ERC2: variants seen among roughly 807,000 people sequenced by gnomAD.
ERC2 encodes the protein ELKS/RAB6-interacting/CAST family member 2.
A neutral mutation model predicts 114.8 loss-of-function variants in ERC2; 42 were observed. The ratio of observed to expected loss-of-function variants is 0.37; its 90% CI spans 0.29 to 0.47. ERC2 has a LOEUF of 0.47. Among genes scored for constraint, ERC2 ranks in the 20% least tolerant of loss-of-function variants. The pLI, the probability that ERC2 is intolerant of heterozygous loss-of-function variation, is 0.99. For missense variants in ERC2, 939 were observed against 1,150.7 expected (o/e 0.82, Z 2.66); for synonymous variants, 454 against 425.5 (o/e 1.07, Z -0.82).
At chr3:56,276,349 A>T (rs922385777) in intron 3 of ERC2, among the ~76,000 whole-genome samples, 1 of 151,296 alleles carries the variant, frequency 6.6e-6, no homozygotes, top group East Asian at 1.9e-4. Context: ...CAAGGATCAC[A>T]TGAAACCATC....
chr3:55,823,234 A>G (rs1301301494), intron 14 of ERC2, among the ~76,000 whole-genome samples: 2 of 152,078 alleles, frequency 1.3e-5, no homozygotes, highest in South Asian at 4.1e-4. Flanking sequence ...ATTTGAAGTG[A>G]CCTCAGAGAG....
At chr3:56,078,126 G>C (rs1169019700) in intron 7 of ERC2, among the ~76,000 whole-genome samples, 1 of 152,096 alleles carries the variant, frequency 6.6e-6, no homozygotes, top group Admixed American at 6.6e-5. Context: ...TTTGATTCAA[G>C]GGTCCTTAGT....
At chr3:56,462,226 T>C (rs773408942) in intron 1 of ERC2, among the ~76,000 whole-genome samples, 2 of 152,240 alleles carry the variant, frequency 1.3e-5, no homozygotes, top group Non-Finnish European at 2.9e-5. Context: ...ACTCATTCCC[T>C]ACTTCTGGGC....
chr3:56,218,565 T>C (rs1256403805), intron 3 of ERC2, among the ~76,000 whole-genome samples: 1 of 152,172 alleles, frequency 6.6e-6, no homozygotes, highest in Non-Finnish European at 1.5e-5. Context: ...GTTCAACCAT[T>C]GTAGAAGTCA....
intron 5 of ERC2, among the ~76,000 whole-genome samples, chr3:56,140,940 C>T (rs1451385244): frequency 6.6e-6 from 1 of 152,158 alleles, no homozygotes. Context: ...AGGAGAATCA[C>T]TTGAACCTGA....
intron 10 of ERC2, among the ~76,000 whole-genome samples, chr3:56,001,879 T>A (rs2072095773): frequency 6.6e-6 from 1 of 152,146 alleles, no homozygotes; most frequent in South Asian, 2.1e-4. Flanking sequence ...AAACAACTTT[T>A]TTTAAACACT....
At chr3:55,702,120 G>A (rs2063254301) in intron 15 of ERC2, among the ~76,000 whole-genome samples, 1 of 152,200 alleles carries the variant, frequency 6.6e-6, no homozygotes, top group Non-Finnish European at 1.5e-5. Flanking sequence ...GAATGTACAA[G>A]CTAAACAAGA....
chr3:56,117,011 A>T (rs2079276952), intron 6 of ERC2, among the ~76,000 whole-genome samples: 1 of 152,216 alleles, frequency 6.6e-6, no homozygotes, highest in South Asian at 2.1e-4. Flanking sequence ...TACCTGTTTT[A>T]CAGTTGAGAA....
chr3:56,273,258 C>CTTTTTTTTTTTTTTTTTTTTTT lies in ERC2; in HGVS notation c.1074+22760_1074+22761insAAAAAAAAAAAAAAAAAAAAAA, dbSNP rs1206517864. On this transcript the variant is annotated intron_variant, in intron 3 of 17. Transcript: ENST00000288221. ...CAAGGACACCTCCCACTTTTTTTTT[C>CTTTTTTTTTTTTTTTTTTTTTT]TTTCTTTTTTTTTTTTTTTTGGTGA... Among the ~76,000 whole-genome samples, 2 of 94,742 alleles carry CTTTTTTTTTTTTTTTTTTTTTT rather than the reference C, an allele frequency of 2.1e-5. 1 individual carries two copies. Among genetic ancestry groups the CTTTTTTTTTTTTTTTTTTTTTT allele is most frequent in the African/African-American group, 6.7e-5 (2 of 29,842 alleles). The allele number at this position is 94,742 out of a possible 152,430, so 62.2% of individuals were successfully genotyped here.
chr3:55,593,465 T>C (rs1372456424), intron 17 of ERC2, among the ~76,000 whole-genome samples: 1 of 152,200 alleles, frequency 6.6e-6, no homozygotes, highest in Admixed American at 6.5e-5. Flanking sequence ...TAATCATCTC[T>C]GGCTGACTTC....
rs546861893 is a variant in ERC2 at position 56,465,553 on chromosome 3, T to C, written c.-141+2695A>G. Reference sequence around the variant, plus strand: ...CCTTGGTGGGGAGACAACTGAAGGATGTTAAGAGCATTTATTCAACCAAGA... The same window carrying C: ...CCTTGGTGGGGAGACAACTGAAGGACGTTAAGAGCATTTATTCAACCAAGA... On this transcript the variant is annotated intron_variant, in intron 1 of 17. Transcript: ENST00000288221. Among the ~76,000 whole-genome samples, 3 of 152,276 alleles carry C rather than the reference T, an allele frequency of 2.0e-5. No individual in the cohort carries two copies. The East Asian group carries it at 5.8e-4, about 29-fold the overall frequency.
intron 2 of ERC2, among the ~76,000 whole-genome samples, chr3:56,317,457 G>A (rs1311536827): frequency 6.6e-6 from 1 of 152,164 alleles, no homozygotes; most frequent in African/African-American, 2.4e-5. Flanking sequence ...GGGGGGCGAC[G>A]TAAATGGAGT....
chr3:56,160,825 C>T (rs900743718), intron 4 of ERC2, among the ~76,000 whole-genome samples: 4 of 152,136 alleles, frequency 2.6e-5, no homozygotes, highest in African/African-American at 9.7e-5. Flanking sequence ...CTATTCTATT[C>T]CACTGGTCTA....
At chr3:55,968,331 AAG>A (rs2068904914) in intron 12 of ERC2, among the ~76,000 whole-genome samples, 1 of 152,208 alleles carries the variant, frequency 6.6e-6, no homozygotes, top group Non-Finnish European at 1.5e-5. Context: ...GACTCAGAAA[AAG>A]AATCACAGTT....
At chr3:55,940,365 T>A (rs2066711017) in intron 13 of ERC2, among the ~76,000 whole-genome samples, 2 of 152,082 alleles carry the variant, frequency 1.3e-5, no homozygotes, top group South Asian at 4.1e-4. Context: ...TCCTGCTTGA[T>A]ACATTCGTCT....
At chr3:55,551,544 CA>C in intron 17 of ERC2, among the ~76,000 whole-genome samples, 1 of 151,992 alleles carries the variant, frequency 6.6e-6, no homozygotes, top group East Asian at 1.9e-4. Context: ...AAACAAAAAA[CA>C]AAAACAAAAA....
At chr3:55,686,677 G>A (rs2062349983) in intron 16 of ERC2, among the ~76,000 whole-genome samples, 1 of 152,222 alleles carries the variant, frequency 6.6e-6, no homozygotes. Context: ...TTCATGCTAA[G>A]TTGTTGAGAA....
At chr3:55,913,216 A>G (rs1332448473) in intron 13 of ERC2, among the ~76,000 whole-genome samples, 1 of 152,192 alleles carries the variant, frequency 6.6e-6, no homozygotes, top group African/African-American at 2.4e-5. Flanking sequence ...TTAGCTCGAC[A>G]AAATAACATG....
chr3:55,713,131 T>TCACACA (rs10656961), intron 15 of ERC2, among the ~76,000 whole-genome samples: 54,260 of 139,036 alleles, frequency 0.39, 11,166 homozygotes, highest in Non-Finnish European at 0.49. Context: ...TCTCTCTGTC[T>TCACACA]CACACACACA....
Sources: allele counts gnomAD v4.1 joint callset (sites outside exome capture counted in the v4.1 genomes callset), GRCh38; gene constraint gnomAD v4.1.1; transcripts MANE v1.5; gene names NCBI Gene and HGNC (gene_info 2026-07-23, HGNC 2026-07-21).